RNFT2: variants seen among roughly 807,000 people sequenced by gnomAD.
RNFT2 encodes ring finger protein, transmembrane 2.
A neutral mutation model predicts 53.0 loss-of-function variants in RNFT2; 36 were observed. That is an observed-to-expected ratio of 0.68 (90% confidence interval 0.52 to 0.90). The LOEUF is 0.90. Ranked by LOEUF, RNFT2 falls within the 40% of genes least tolerant of loss-of-function variation. The probability of loss-of-function intolerance (pLI) is 0.00; values close to 1 mark genes in which losing one functional copy is unlikely to be tolerated. For missense variants in RNFT2, 514 were observed against 585.6 expected (o/e 0.88, Z 1.26); for synonymous variants, 260 against 253.2 (o/e 1.03, Z -0.26).
At chr12:116,751,943 C>T (rs1353301334) in intron 4 of RNFT2, among the ~76,000 whole-genome samples, 1 of 152,088 alleles carries the variant, frequency 6.6e-6, no homozygotes, top group Non-Finnish European at 1.5e-5. Flanking sequence ...CCACCACACC[C>T]GGCTTACTTA....
At chr12:116,742,013 C>T (rs946917065) in intron 3 of RNFT2, among the ~76,000 whole-genome samples, 1 of 152,082 alleles carries the variant, frequency 6.6e-6, no homozygotes, top group African/African-American at 2.4e-5. Context: ...AGAAACAACA[C>T]GGAGAGGCTA....
intron 7 of RNFT2, among the ~76,000 whole-genome samples, chr12:116,823,569 A>C (rs1033127745): frequency 1.3e-5 from 2 of 152,130 alleles, no homozygotes; most frequent in Non-Finnish European, 2.9e-5. Context: ...CTATAATCCC[A>C]GCTACTCTGG....
chr12:116,803,970 T>C (rs1874927969), intron 7 of RNFT2, among the ~76,000 whole-genome samples: 2 of 152,200 alleles, frequency 1.3e-5, no homozygotes, highest in African/African-American at 4.8e-5. Context: ...TGGGAAACTT[T>C]TGTCTTACTG....
Position 116,740,922 on chromosome 12 carries a change from C to T in RNFT2, c.25-114C>T, listed in dbSNP as rs1025489547. ...ACATACTTTGGAAAATGCCAGAGAG[C>T]ACTAGGGGTCTAAGATACGACTAGT... On this transcript the variant is annotated intron_variant, in intron 2 of 10. Coordinates refer to ENST00000257575, the MANE Select transcript of RNFT2 (RefSeq NM_001382266.1). 1.7e-5 allele frequency: 14 copies of T among 839,818 alleles called. No homozygotes were observed. The African/African-American group carries it at 2.4e-4, about 14-fold the overall frequency. The allele number at this position is 839,818 out of a possible 1,614,324, so 52.0% of individuals were successfully genotyped here. A position where few individuals can be genotyped will look rare whatever the true frequency, so the allele number is the denominator to read the frequency against.
chr12:116,842,231 ACCTAATCCCAG>A (rs1877384571), intron 10 of RNFT2, among the ~76,000 whole-genome samples: 1 of 151,748 alleles, frequency 6.6e-6, no homozygotes, highest in Non-Finnish European at 1.5e-5. Flanking sequence ...GTCTTTTGTA[ACCTAATCCCAG>A]AAGGGACACC....
At chr12:116,832,898 CTTTTT>C (rs71095601) in intron 7 of RNFT2, among the ~76,000 whole-genome samples, 1 of 84,766 alleles carries the variant, frequency 1.2e-5, no homozygotes, top group Non-Finnish European at 2.1e-5. Flanking sequence ...AAGTCGTGTT[CTTTTT>C]TTTTTTTTTT....
chr12:116,805,336 GA>G (rs888501597), intron 7 of RNFT2, among the ~76,000 whole-genome samples: 2 of 152,076 alleles, frequency 1.3e-5, no homozygotes, highest in Non-Finnish European at 2.9e-5. Context: ...CAGAGAAACA[GA>G]ACCAGTAGAA....
At chr12:116,763,616 TAACA>T (rs1872779026) in intron 5 of RNFT2, among the ~76,000 whole-genome samples, 1 of 32,710 alleles carries the variant, frequency 3.1e-5, no homozygotes, top group South Asian at 9.5e-4. Context: ...AAAAAAAAAA[TAACA>T]AAAAAAAAAT....
At chr12:116,772,289 C>G (rs1200049618) in intron 6 of RNFT2, among the ~76,000 whole-genome samples, 1 of 151,888 alleles carries the variant, frequency 6.6e-6, no homozygotes, top group African/African-American at 2.4e-5. Flanking sequence ...TTTCTAATTT[C>G]AAAAGTAATT....
At chr12:116,759,086 G>C (rs1265776880) in intron 5 of RNFT2, among the ~76,000 whole-genome samples, 1 of 152,036 alleles carries the variant, frequency 6.6e-6, no homozygotes. Context: ...TTGTTGGATT[G>C]GGTTAATTCA....
At chr12:116,836,516 A>G (rs934237538) in intron 10 of RNFT2, among the ~76,000 whole-genome samples, 1 of 152,182 alleles carries the variant, frequency 6.6e-6, no homozygotes, top group African/African-American at 2.4e-5. Flanking sequence ...GTAGAATGCC[A>G]AATTCCGTAT....
chr12:116,782,619 G>A (rs1873764687), intron 7 of RNFT2, among the ~76,000 whole-genome samples: 1 of 152,120 alleles, frequency 6.6e-6, no homozygotes, highest in Non-Finnish European at 1.5e-5. Context: ...TCCATTCCCT[G>A]CCACACCTGA....
At position 116,750,238 on chromosome 12, in the gene RNFT2, T is replaced by A; in HGVS notation, c.481T>A (p.Cys161Ser). Residue 161 changes from cysteine (C) to serine (S), a missense_variant, in exon 4 of 11, where the codon TGC (cysteine) becomes AGC (serine). Physicochemically the swap from Cys to Ser is moderately radical, Grantham distance 112. Transcript: ENST00000257575. The part of the protein sequence containing the change: ...PALSELKAVI[C>S]WLQKGLPFIL... ...CCTGTCCGAGCTGAAGGCTGTGATC[T>A]GCTGGCTCCAGAAAGGACTCCCCTT... 6.2e-7 allele frequency: 1 copy of A among 1,608,094 alleles called. No homozygotes were observed. The highest frequency in any genetic ancestry group is 1.1e-5 in the South Asian group (1 of 90,788).
At position 116,784,962 on chromosome 12, in the gene RNFT2, C is replaced by T. The variant is rs148493180; in HGVS notation, c.882+5614C>T. Among the ~76,000 whole-genome samples the T allele has an allele frequency of 1.8e-3, 271 of 152,296 alleles. 3 individuals are homozygous for T. Among genetic ancestry groups the T allele is most frequent in the African/African-American group, 6.1e-3 (254 of 41,566 alleles). ...CTCACCTTCACCCAATTTAAACCCT[C>T]CAGGGGCTGCCCTTGTGCTCAGGAC... On this transcript the variant is annotated intron_variant, in intron 7 of 10. Transcript: ENST00000257575.
At chr12:116,824,314 C>T (rs1876209366) in intron 7 of RNFT2, among the ~76,000 whole-genome samples, 1 of 152,204 alleles carries the variant, frequency 6.6e-6, no homozygotes, top group Non-Finnish European at 1.5e-5. Flanking sequence ...CTCATTTGTC[C>T]ATTACTCATT....
chr12:116,781,220 C>G (rs1461615933), intron 7 of RNFT2, among the ~76,000 whole-genome samples: 1 of 152,132 alleles, frequency 6.6e-6, no homozygotes, highest in Non-Finnish European at 1.5e-5. Context: ...AGCTAAATGA[C>G]TTCCTCTGGC....
chr12:116,782,515 A>C (rs1873760740), intron 7 of RNFT2, among the ~76,000 whole-genome samples: 1 of 152,154 alleles, frequency 6.6e-6, no homozygotes, highest in Non-Finnish European at 1.5e-5. Flanking sequence ...CAACAGAGTG[A>C]GACTCTGCCT....
Position 116,741,086 on chromosome 12 carries a change from A to C in RNFT2, c.75A>C (p.Pro25=). 1 of 1,609,790 alleles carries C rather than the reference A, an allele frequency of 6.2e-7. No individual in the cohort carries two copies. Among genetic ancestry groups the C allele is most frequent in the Non-Finnish European group, 8.5e-7 (1 of 1,177,976 alleles). ...RRHSSNTDNI[P]PERNRSQALS... ...ACAGCAGCAACACGGATAACATTCC[A>C]CCTGAAAGGTAGGCATCCCTGCTTC... The change falls in exon 3 of 11, where the codon CCA becomes CCC. Residue 25 remains proline (P), a synonymous_variant. Transcript: ENST00000257575.
intron 5 of RNFT2, among the ~76,000 whole-genome samples, chr12:116,766,121 ATT>A (rs879342327): frequency 0.051 from 7,718 of 151,744 alleles, 528 homozygotes; most frequent in African/African-American, 0.15. Flanking sequence ...AAAAATAAAA[ATT>A]TTTTTTTAAT....
Sources: gnomAD v4.1 joint callset for allele counts (sites outside exome capture counted in the v4.1 genomes callset) on GRCh38, gnomAD v4.1.1 for gene constraint, MANE v1.5 for transcripts, NCBI Gene and HGNC (gene_info 2026-07-23, HGNC 2026-07-21) for gene names.